The following LINGO2 variants were observed in gnomAD, a reference collection of about 807,000 sequenced individuals.
LINGO2 encodes leucine-rich repeat and immunoglobulin-like domain-containing nogo receptor-interacting protein 2.
LINGO2 carries 14 observed loss-of-function variants against 30.6 expected under a neutral mutation model. The observed-to-expected ratio is 0.46, with a 90% CI of 0.30 to 0.72. The LOEUF is 0.72. Among genes scored for constraint, LINGO2 ranks in the 30% least tolerant of loss-of-function variants. The pLI, the probability that LINGO2 is intolerant of heterozygous loss-of-function variation, is 0.07. For synonymous variants in LINGO2, 317 were observed against 288.5 expected (o/e 1.10, Z -1.00); for missense variants, 729 against 751.7 (o/e 0.97, Z 0.35).
chr9:28,843,893 A>C, the LINGO2 span, among the ~76,000 whole-genome samples: 78,875 of 151,458 alleles, frequency 0.52, 21,135 homozygotes, highest in Middle Eastern at 0.67. Flanking sequence ...TATTGGCTCT[A>C]CTTCTTACAG....
chr9:28,620,377 T>C (rs1275594638), intron 1 of LINGO2, among the ~76,000 whole-genome samples: 1 of 152,164 alleles, frequency 6.6e-6, no homozygotes, highest in African/African-American at 2.4e-5. Flanking sequence ...GTTCAGCATG[T>C]GATTTCATTA....
At chr9:28,939,716 T>C in the LINGO2 span, among the ~76,000 whole-genome samples, 5 of 152,138 alleles carry the variant, frequency 3.3e-5, no homozygotes, top group Admixed American at 1.3e-4. Context: ...AATTTATCTA[T>C]CTTCAAGGTA....
At chr9:28,924,382 A>T in the LINGO2 span, among the ~76,000 whole-genome samples, 1 of 151,966 alleles carries the variant, frequency 6.6e-6, no homozygotes, top group East Asian at 1.9e-4. Context: ...CACCATGCCC[A>T]GCTAATTTTT....
chr9:28,618,073 G>A (rs1205330842), intron 1 of LINGO2, among the ~76,000 whole-genome samples: 1 of 152,102 alleles, frequency 6.6e-6, no homozygotes, highest in Non-Finnish European at 1.5e-5. Context: ...TAGCAGCAAC[G>A]CAGGAGCTCA....
chr9:28,590,689 A>T (rs1335521961), intron 1 of LINGO2, among the ~76,000 whole-genome samples: 2 of 152,110 alleles, frequency 1.3e-5, no homozygotes, highest in African/African-American at 2.4e-5. Context: ...GAGAAATAGG[A>T]ACACTTTTAC....
At chr9:28,723,493 A>G in the LINGO2 span, among the ~76,000 whole-genome samples, 1 of 152,088 alleles carries the variant, frequency 6.6e-6, no homozygotes, top group African/African-American at 2.4e-5. Flanking sequence ...GAAAGGCCCA[A>G]CCTATCCCTT....
intron 1 of LINGO2, among the ~76,000 whole-genome samples, chr9:28,530,035 T>G (rs1209852892): frequency 6.6e-6 from 1 of 151,982 alleles, no homozygotes; most frequent in African/African-American, 2.4e-5. Flanking sequence ...GAAGTAGAAG[T>G]AGGAAGTGAT....
intron 4 of LINGO2, among the ~76,000 whole-genome samples, chr9:28,164,922 T>C (rs1828385328): frequency 1.3e-5 from 2 of 152,214 alleles, no homozygotes; most frequent in South Asian, 4.1e-4. Context: ...TATTATTGGA[T>C]ATCACTGCTC....
At chr9:28,430,113 T>TGTGTGG in intron 2 of LINGO2, among the ~76,000 whole-genome samples, 1 of 41,012 alleles carries the variant, frequency 2.4e-5, no homozygotes. Flanking sequence ...CGCGCGCGTG[T>TGTGTGG]GTGTGTGTGT....
intron 4 of LINGO2, among the ~76,000 whole-genome samples, chr9:28,027,815 T>G (rs910026530): frequency 6.6e-6 from 1 of 152,162 alleles, no homozygotes; most frequent in Non-Finnish European, 1.5e-5. Context: ...TATTCATCAG[T>G]AGACAGCAAT....
intron 4 of LINGO2, among the ~76,000 whole-genome samples, chr9:28,201,352 G>C (rs1820227727): frequency 7.1e-6 from 1 of 140,930 alleles, no homozygotes; most frequent in Non-Finnish European, 1.5e-5. Context: ...TCTTGCGATA[G>C]TTTACTGAGA....
chr9:28,371,572 G>A (rs1178363298), intron 3 of LINGO2, among the ~76,000 whole-genome samples: 1 of 152,116 alleles, frequency 6.6e-6, no homozygotes, highest in African/African-American at 2.4e-5. Flanking sequence ...TCACCTTGGG[G>A]GTTAGGACTT....
intron 4 of LINGO2, among the ~76,000 whole-genome samples, chr9:28,047,238 C>A (rs1824464877): frequency 6.6e-6 from 1 of 152,098 alleles, no homozygotes; most frequent in Non-Finnish European, 1.5e-5. Context: ...TTTGGCTACC[C>A]ACCAACCTGT....
At chr9:29,086,284 T>C in the LINGO2 span, among the ~76,000 whole-genome samples, 2 of 152,158 alleles carry the variant, frequency 1.3e-5, no homozygotes, top group African/African-American at 4.8e-5. Flanking sequence ...CATATTTCTC[T>C]TCAATTACTT....
chr9:28,667,052 G>C (rs1828829576), intron 1 of LINGO2, among the ~76,000 whole-genome samples: 1 of 151,992 alleles, frequency 6.6e-6, no homozygotes. Flanking sequence ...ACGACTTATA[G>C]AATAATAAAA....
intron 1 of LINGO2, among the ~76,000 whole-genome samples, chr9:28,534,492 T>C (rs1821351969): frequency 6.6e-6 from 1 of 152,170 alleles, no homozygotes; most frequent in African/African-American, 2.4e-5. Flanking sequence ...AACCAAGATA[T>C]CGTACTATAG....
At chr9:27,966,048 T>C (rs1479407022) in intron 5 of LINGO2, among the ~76,000 whole-genome samples, 1 of 152,106 alleles carries the variant, frequency 6.6e-6, no homozygotes, top group Non-Finnish European at 1.5e-5. Flanking sequence ...ATCGTGTACA[T>C]AAAGTCAGAG....
chr9:28,570,654 A>C (rs1521731), intron 1 of LINGO2, among the ~76,000 whole-genome samples: 1 of 151,310 alleles, frequency 6.6e-6, no homozygotes, highest in African/African-American at 2.4e-5. Flanking sequence ...GGGGAGCAGC[A>C]TCTGTTTTTG....
chr9:29,076,644 TAA>T, the LINGO2 span, among the ~76,000 whole-genome samples: 17 of 147,398 alleles, frequency 1.2e-4, no homozygotes, highest in South Asian at 2.1e-4. Context: ...TATATATATA[TAA>T]AATAAATTCA....
Sources: allele counts gnomAD v4.1 joint callset (sites outside exome capture counted in the v4.1 genomes callset), GRCh38; gene constraint gnomAD v4.1.1; transcripts MANE v1.5; gene names NCBI Gene and HGNC (gene_info 2026-07-23, HGNC 2026-07-21).